Variants in TNIK observed in about 807,000 individuals in gnomAD.
The protein encoded by TNIK is TRAF2 and NCK interacting kinase.
In TNIK, 49 loss-of-function variants were observed where a neutral mutation model predicts 191.3. The observed-to-expected ratio is 0.26, with a 90% confidence interval of 0.20 to 0.32. The LOEUF is 0.32. Ranked by LOEUF, TNIK falls within the 10% of genes least tolerant of loss-of-function variation. TNIK has a pLI of 1.00. For missense variants in TNIK, 1,155 were observed against 1,702.3 expected (o/e 0.68, Z 5.66); for synonymous variants, 594 against 600.9 (o/e 0.99, Z 0.17).
intron 2 of TNIK, among the ~76,000 whole-genome samples, chr3:171,292,004 TATTA>T (rs1298172569): frequency 6.6e-6 from 1 of 152,246 alleles, no homozygotes; most frequent in Non-Finnish European, 1.5e-5. Context: ...TCTACTGTGC[TATTA>T]ATCAAACCCA....
At chr3:171,176,949 C>A (rs1165444692) in intron 8 of TNIK, among the ~76,000 whole-genome samples, 1 of 152,134 alleles carries the variant, frequency 6.6e-6, no homozygotes, top group East Asian at 1.9e-4. Context: ...CTTTGTATAA[C>A]CTGTGCACTG....
At chr3:171,306,204 G>A (rs1362529722) in intron 2 of TNIK, among the ~76,000 whole-genome samples, 1 of 151,984 alleles carries the variant, frequency 6.6e-6, no homozygotes, top group Non-Finnish European at 1.5e-5. Flanking sequence ...ACACATTAGG[G>A]CCTACTTGAG....
intron 1 of TNIK, among the ~76,000 whole-genome samples, chr3:171,429,528 A>ACC (rs368711475): frequency 4.4e-4 from 67 of 152,302 alleles, no homozygotes; most frequent in African/African-American, 1.5e-3. Flanking sequence ...TTCTTAGATT[A>ACC]CCCCACCTCC....
chr3:171,253,597 C>G lies in TNIK; in HGVS notation c.124-25376G>C, dbSNP rs565565721. The stretch of plus-strand genomic sequence containing the variant: ...AGAAATCAGAAGACAGGTCCCCCCC[C>G]CACCCCACCCCCAGTTATCTCAAAT... On this transcript the variant is annotated intron_variant, in intron 2 of 32. Transcript: ENST00000436636. Among the ~76,000 whole-genome samples the G allele has an allele frequency of 2.2e-5, 3 of 137,978 alleles. 1 individual carries two copies. The highest frequency in any genetic ancestry group is 1.4e-4 in the Admixed American group (2 of 13,868). The allele number at this position is 137,978 out of a possible 152,430, so 90.5% of individuals were successfully genotyped here.
intron 18 of TNIK, among the ~76,000 whole-genome samples, chr3:171,121,924 T>A (rs572532976): frequency 7.2e-5 from 11 of 152,178 alleles, no homozygotes; most frequent in Admixed American, 7.2e-4. Flanking sequence ...AGGAAGGAAC[T>A]ATGACCTCTT....
At chr3:171,455,217 A>G (rs1438242363) in intron 1 of TNIK, among the ~76,000 whole-genome samples, 2 of 152,042 alleles carry the variant, frequency 1.3e-5, no homozygotes, top group Non-Finnish European at 2.9e-5. Flanking sequence ...GAACCTTCTG[A>G]TATCTTTTTC....
rs148768011 is a variant in TNIK at position 171,306,079 on chromosome 3, C to T, written c.123+63541G>A. On this transcript the variant is annotated intron_variant, in intron 2 of 32. Coordinates refer to ENST00000436636, the MANE Select transcript of TNIK (RefSeq NM_015028.4). Reference sequence around the variant, plus strand: ...TCCTTGGCAGGAACGTGGATGGAACCGGAGGCCATTTCCTTAGGAAACTAA... The same window carrying T: ...TCCTTGGCAGGAACGTGGATGGAACTGGAGGCCATTTCCTTAGGAAACTAA... Among the ~76,000 whole-genome samples, 215 of 152,120 alleles carry T rather than the reference C, an allele frequency of 1.4e-3. 2 individuals are homozygous for T. Among genetic ancestry groups the T allele is most frequent in the African/African-American group, 4.8e-3 (198 of 41,524 alleles).
Position 171,140,447 on chromosome 3 carries a change from C to T in TNIK, c.1284G>A (p.Glu428=), listed in dbSNP as rs951458474. The stretch of plus-strand genomic sequence containing the variant: ...TCTCCTCCTCCCGGCGCATCTGCTC[C>T]TCATAGTGCCGGCGCTGCTCCCTCT... The part of the protein sequence containing the change: ...QQEREQRRHY[E]EQMRREEERR... Residue 428 remains glutamate (E), a synonymous_variant, in exon 13 of 33, where the codon GAG becomes GAA. Coordinates refer to ENST00000436636, the MANE Select transcript of TNIK (RefSeq NM_015028.4). The T allele has an allele frequency of 1.4e-5, 23 of 1,611,696 alleles. No individual in the cohort carries two copies. Among genetic ancestry groups the T allele is most frequent in the Non-Finnish European group, 2.0e-5 (23 of 1,179,012 alleles).
intron 4 of TNIK, among the ~76,000 whole-genome samples, chr3:171,204,215 C>T (rs1431911427): frequency 1.3e-5 from 2 of 151,964 alleles, no homozygotes; most frequent in Non-Finnish European, 2.9e-5. Context: ...TTTTTGATTT[C>T]CGGATCAGAC....
chr3:171,309,155 G>C (rs928589138), intron 2 of TNIK, among the ~76,000 whole-genome samples: 4 of 146,930 alleles, frequency 2.7e-5, no homozygotes, highest in Non-Finnish European at 4.5e-5. Context: ...CAACCTAAAT[G>C]CCCATCATTG....
chr3:171,178,233 T>A (rs557796641), intron 7 of TNIK, among the ~76,000 whole-genome samples: 15 of 152,214 alleles, frequency 9.9e-5, no homozygotes, highest in Non-Finnish European at 2.1e-4. Flanking sequence ...GTAGGTGTTA[T>A]TTATATTCAA....
intron 2 of TNIK, among the ~76,000 whole-genome samples, chr3:171,342,786 C>T (rs560306996): frequency 6.6e-6 from 1 of 152,290 alleles, no homozygotes; most frequent in African/African-American, 2.4e-5. Context: ...TGTGTCCCCA[C>T]CCAAATCTCA....
At chr3:171,212,340 C>T (rs1300572868) in intron 3 of TNIK, among the ~76,000 whole-genome samples, 1 of 151,866 alleles carries the variant, frequency 6.6e-6, no homozygotes, top group Non-Finnish European at 1.5e-5. Context: ...GGATCTCTTC[C>T]TTAATTCTCT....
intron 2 of TNIK, among the ~76,000 whole-genome samples, chr3:171,274,460 C>T (rs967235478): frequency 6.6e-6 from 1 of 152,194 alleles, no homozygotes; most frequent in Admixed American, 6.5e-5. Context: ...ATATCTTCTA[C>T]AGCCCCTTGA....
At chr3:171,084,396 A>C in intron 25 of TNIK, 71 bp from the exon 26 acceptor site, 2 of 1,499,524 alleles carry the variant, frequency 1.3e-6, no homozygotes, top group Non-Finnish European at 1.8e-6. Flanking sequence ...GCTTCAAAAC[A>C]CTATGATTTC....
chr3:171,089,760 C>T (rs986817889), intron 23 of TNIK, among the ~76,000 whole-genome samples: 32 of 152,210 alleles, frequency 2.1e-4, no homozygotes, highest in Admixed American at 2.0e-4. Context: ...AATAATATCT[C>T]GTCTTTATCT....
intron 27 of TNIK, among the ~76,000 whole-genome samples, chr3:171,081,240 CTG>C (rs1356178310): frequency 3.9e-5 from 6 of 151,988 alleles, no homozygotes; most frequent in Non-Finnish European, 1.5e-5. Flanking sequence ...AGAGATGAAA[CTG>C]AGCATTCAGT....
intron 7 of TNIK, among the ~76,000 whole-genome samples, chr3:171,185,780 T>C (rs1369782172): frequency 6.6e-6 from 1 of 152,262 alleles, no homozygotes; most frequent in African/African-American, 2.4e-5. Flanking sequence ...CAAAAAATAA[T>C]TGATAAACAA....
At chr3:171,079,859 A>C (rs1720442326) in intron 27 of TNIK, among the ~76,000 whole-genome samples, 1 of 152,236 alleles carries the variant, frequency 6.6e-6, no homozygotes, top group African/African-American at 2.4e-5. Context: ...TTTTAGACAC[A>C]TCACAGAATT....
Sources: gnomAD v4.1 joint callset for allele counts (sites outside exome capture counted in the v4.1 genomes callset) on GRCh38, gnomAD v4.1.1 for gene constraint, MANE v1.5 for transcripts, NCBI Gene and HGNC (gene_info 2026-07-23, HGNC 2026-07-21) for gene names.